The following PALM2AKAP2 variants were observed in gnomAD, a reference collection of about 807,000 sequenced individuals.
The protein encoded by PALM2AKAP2 is PALM2 and AKAP2 fusion, also known as PALM2-AKAP2 fusion protein.
In PALM2AKAP2, 37 loss-of-function variants were observed where a neutral mutation model predicts 71.5. That is an observed-to-expected ratio of 0.52 (90% CI 0.40 to 0.68). The LOEUF (loss-of-function observed/expected upper bound fraction) is 0.68. Ranked by LOEUF, PALM2AKAP2 falls within the 30% of genes least tolerant of loss-of-function variation. PALM2AKAP2 has a pLI of 0.00. For missense variants in PALM2AKAP2, 1,224 were observed against 1,191.8 expected (o/e 1.03, Z -0.40); for synonymous variants, 468 against 478.8 (o/e 0.98, Z 0.29).
chr9:109,898,609 G>A (rs1830258978), intron 3 of PALM2AKAP2, among the ~76,000 whole-genome samples: 1 of 152,100 alleles, frequency 6.6e-6, no homozygotes, highest in Admixed American at 6.5e-5. Flanking sequence ...TAAACATTAG[G>A]AGTCTCGATA....
chr9:110,091,024 A>G (rs1230909356), intron 1 of PALM2AKAP2, among the ~76,000 whole-genome samples: 1 of 152,172 alleles, frequency 6.6e-6, no homozygotes, highest in African/African-American at 2.4e-5. Context: ...GTAAAGCTAA[A>G]GAATGGCCTT....
intron 1 of PALM2AKAP2, among the ~76,000 whole-genome samples, chr9:109,651,362 C>A (rs1334055118): frequency 6.6e-6 from 1 of 152,250 alleles, no homozygotes; most frequent in African/African-American, 2.4e-5. Flanking sequence ...CCTTCCTTTG[C>A]TCCTCTGGGA....
intron 6 of PALM2AKAP2, among the ~76,000 whole-genome samples, chr9:109,942,417 G>T: frequency 6.6e-6 from 1 of 152,114 alleles, no homozygotes; most frequent in East Asian, 1.9e-4. Context: ...AGTCTCTTGT[G>T]CCCTTATTTT....
intron 3 of PALM2AKAP2, among the ~76,000 whole-genome samples, chr9:109,911,483 T>C (rs1830568297): frequency 6.6e-6 from 1 of 152,198 alleles, no homozygotes; most frequent in Non-Finnish European, 1.5e-5. Flanking sequence ...AATTTTCATT[T>C]ATTTGTATTT....
At chr9:110,076,975 T>G (rs1284534346) in intron 1 of PALM2AKAP2, among the ~76,000 whole-genome samples, 3 of 152,198 alleles carry the variant, frequency 2.0e-5, no homozygotes, top group African/African-American at 7.2e-5. Flanking sequence ...ATACCACCCC[T>G]GTGGTAGGCC....
intron 1 of PALM2AKAP2, among the ~76,000 whole-genome samples, chr9:109,705,449 G>C (rs1828128014): frequency 6.6e-6 from 1 of 152,292 alleles, no homozygotes; most frequent in East Asian, 1.9e-4. Flanking sequence ...TCGCTACTAT[G>C]TGTCACTTGT....
chr9:109,972,464 C>T (rs1426165041), intron 6 of PALM2AKAP2, among the ~76,000 whole-genome samples: 1 of 152,170 alleles, frequency 6.6e-6, no homozygotes, highest in Admixed American at 6.5e-5. Flanking sequence ...TGTGGATGAA[C>T]GTGGGAGACA....
intron 1 of PALM2AKAP2, among the ~76,000 whole-genome samples, chr9:109,838,132 G>A (rs1436773610): frequency 2.0e-5 from 3 of 152,120 alleles, no homozygotes; most frequent in African/African-American, 4.8e-5. Flanking sequence ...TGGAAGTAAA[G>A]CACTCCTCAG....
At chr9:110,170,056 C>T (rs189987706) in exon 4 of PALM2AKAP2, 5 of 152,620 alleles carry the variant, frequency 3.3e-5, no homozygotes, top group Non-Finnish European at 5.9e-5. Context: ...GGAGAGTCTC[C>T]TATTTATTCT....
chr9:110,019,224 G>A (rs1171345915), intron 7 of PALM2AKAP2, among the ~76,000 whole-genome samples: 3 of 120,888 alleles, frequency 2.5e-5, no homozygotes, highest in Admixed American at 1.0e-4. Flanking sequence ...TGGCAAAACA[G>A]CAAGACTCTG....
At chr9:109,955,691 T>C (rs1831733632) in intron 6 of PALM2AKAP2, among the ~76,000 whole-genome samples, 1 of 152,156 alleles carries the variant, frequency 6.6e-6, no homozygotes, top group South Asian at 2.1e-4. Context: ...GCTTGATAAT[T>C]CAAAGGACTA....
At chr9:109,884,163 T>C (rs72753077) in intron 3 of PALM2AKAP2, among the ~76,000 whole-genome samples, 32,038 of 152,072 alleles carry the variant, frequency 0.21, 4,192 homozygotes, top group Admixed American at 0.29. Context: ...AAAAGACATT[T>C]AAAAAGAAAG....
chr9:109,878,273 C>G lies in PALM2AKAP2; in HGVS notation c.127-2278C>G, dbSNP rs546643242. Among the ~76,000 whole-genome samples the G allele has an allele frequency of 2.6e-5, 4 of 152,322 alleles. No individual in the cohort carries two copies. The South Asian group carries it at 8.3e-4, about 32-fold the overall frequency. ...TACCTACCCTGGTGGTAGATGCACA[C>G]TATTTATACAGAGCACATTCAACAG... On this transcript the variant is annotated intron_variant, in intron 2 of 9. Transcript: ENST00000302798.
chr9:109,640,939 A>C, intron 1 of PALM2AKAP2: 1 of 1,457,854 alleles, frequency 6.9e-7, no homozygotes, highest in Non-Finnish European at 9.0e-7. Context: ...GGCGGCAGGC[A>C]GATCCCGCTC....
chr9:109,783,673 T>C (rs1342874026), intron 1 of PALM2AKAP2, among the ~76,000 whole-genome samples: 1 of 152,186 alleles, frequency 6.6e-6, no homozygotes, highest in African/African-American at 2.4e-5. Flanking sequence ...TTTCTCTAAC[T>C]GCTTTAGACA....
intron 1 of PALM2AKAP2, among the ~76,000 whole-genome samples, chr9:109,854,714 A>G (rs1423061394): frequency 1.4e-5 from 2 of 147,438 alleles, no homozygotes; most frequent in Non-Finnish European, 3.0e-5. Context: ...TATAAAAATG[A>G]TATAATACTG....
At chr9:110,167,519 C>T (rs1205424083) in intron 3 of PALM2AKAP2, among the ~76,000 whole-genome samples, 1 of 152,106 alleles carries the variant, frequency 6.6e-6, no homozygotes, top group African/African-American at 2.4e-5. Flanking sequence ...CTGAAGTCTC[C>T]TCTCGGGATT....
At chr9:109,701,960 C>T (rs1828068071) in intron 1 of PALM2AKAP2, among the ~76,000 whole-genome samples, 1 of 152,206 alleles carries the variant, frequency 6.6e-6, no homozygotes, top group African/African-American at 2.4e-5. Flanking sequence ...CAAAAGAAGA[C>T]ATTTATGCAG....
At chr9:110,028,947 G>GAA (rs58707028) in intron 7 of PALM2AKAP2, among the ~76,000 whole-genome samples, 73 of 113,966 alleles carry the variant, frequency 6.4e-4, no homozygotes, top group African/African-American at 1.5e-3. Flanking sequence ...GGTTCTTTTT[G>GAA]AAAAAAAAAA....
Sources: gnomAD v4.1 joint callset for allele counts (sites outside exome capture counted in the v4.1 genomes callset) on GRCh38, gnomAD v4.1.1 for gene constraint, MANE v1.5 for transcripts, NCBI Gene and HGNC (gene_info 2026-07-23, HGNC 2026-07-21) for gene names.